ECM2: variants seen among roughly 807,000 people sequenced by gnomAD.
ECM2 encodes the protein extracellular matrix protein 2, female organ and adipocyte specific.
Under a neutral mutation model 67.5 loss-of-function variants are expected in ECM2, and 57 were observed. The ratio of observed to expected loss-of-function variants is 0.84; its 90% confidence interval spans 0.68 to 1.05. The LOEUF is 1.05. Among genes scored for constraint, ECM2 ranks in the 50% least tolerant of loss-of-function variants. ECM2 has a pLI of 0.00. For missense variants in ECM2, 741 were observed against 822.8 expected (o/e 0.90, Z 1.22); for synonymous variants, 258 against 294.5 (o/e 0.88, Z 1.27).
chr9:92,536,869 A>ATT (rs11459753), upstream of ECM2, among the ~76,000 whole-genome samples: 379 of 141,550 alleles, frequency 2.7e-3, 1 homozygote, highest in Middle Eastern at 0.011. Flanking sequence ...TATTTTTTAA[A>ATT]TTTTTTTTTT....
chr9:92,497,245 AG>A (rs778288392), intron 9 of ECM2, among the ~76,000 whole-genome samples: 63 of 152,340 alleles, frequency 4.1e-4, no homozygotes, highest in Non-Finnish European at 5.9e-4. Context: ...AATAAAATAT[AG>A]TATATCTGCA....
rs760484059 is a variant in ECM2, at chr9:92,514,692, G to A, written c.993C>T (p.Asn331=). ...SLSYRTISCI[N]AMLTQIPPLT... is the part of the protein sequence containing the mutation. ...GCGGTGGTATCTGGGTAAGCATGGC[G>A]TTGATGCAGCTGATGGTCCTGTAGG... Residue 331 remains asparagine (N), a synonymous_variant, in exon 4 of 10, where the codon AAC becomes AAT. Transcript: ENST00000344604. The A allele has an allele frequency of 1.3e-5, 21 of 1,612,036 alleles. No individual in the cohort carries two copies. The highest frequency in any genetic ancestry group is 4.4e-5 in the South Asian group (4 of 90,886).
intron 9 of ECM2, among the ~76,000 whole-genome samples, chr9:92,497,734 C>A (rs117490527): frequency 0.033 from 4,948 of 151,832 alleles, 131 homozygotes; most frequent in South Asian, 0.084. Context: ...GAAATTTGAT[C>A]CCCAGTGTTG....
chr9:92,498,496 T>A (rs904864938), intron 9 of ECM2, among the ~76,000 whole-genome samples: 11 of 152,054 alleles, frequency 7.2e-5, no homozygotes, highest in South Asian at 2.1e-4. Context: ...GTAAGACTTC[T>A]CTTAATTCAA....
upstream of ECM2, among the ~76,000 whole-genome samples, chr9:92,538,699 A>T (rs1330780514): frequency 6.6e-6 from 1 of 152,266 alleles, no homozygotes; most frequent in East Asian, 1.9e-4. Context: ...AAATGCTGGT[A>T]TTATGGTTTC....
chr9:92,552,266 C>T, the ECM2 span, among the ~76,000 whole-genome samples: 2 of 151,402 alleles, frequency 1.3e-5, no homozygotes, highest in Non-Finnish European at 2.9e-5. Context: ...TGGGTTGGTT[C>T]CATGATTTTG....
chr9:92,554,327 G>C, the ECM2 span, among the ~76,000 whole-genome samples: 4 of 152,052 alleles, frequency 2.6e-5, no homozygotes, highest in African/African-American at 9.7e-5. Context: ...GGGATTACAG[G>C]CACGTGCCAC....
chr9:92,496,242 C>G lies in ECM2; in HGVS notation c.*73G>C. 6.7e-7 allele frequency: 1 copy of G among 1,503,350 alleles called. No individual in the cohort carries two copies. The highest frequency in any genetic ancestry group is 8.8e-7 in the Non-Finnish European group (1 of 1,137,168). The allele number at this position is 1,503,350 out of a possible 1,614,324, so 93.1% of individuals were successfully genotyped here. A position where few individuals can be genotyped will look rare whatever the true frequency, so the allele number is the denominator to read the frequency against. On this transcript the variant is annotated 3_prime_UTR_variant, in exon 10 of 10. Transcript: ENST00000344604. Reference sequence around the variant, plus strand: ...TGAGTATAACAGGAGGATTATGTCTCTCTTATTAATGACAAATGCAGCTAC... The same window carrying G: ...TGAGTATAACAGGAGGATTATGTCTGTCTTATTAATGACAAATGCAGCTAC...
intron 2 of ECM2, 104 bp downstream of exon 2, chr9:92,522,471 T>A (rs1300579863): frequency 4.3e-5 from 51 of 1,179,270 alleles, no homozygotes; most frequent in Non-Finnish European, 5.6e-5. Flanking sequence ...TAGAAAATTA[T>A]CTTCATGGAG....
chr9:92,509,163 T>C (rs1847186752), intron 6 of ECM2, among the ~76,000 whole-genome samples: 1 of 151,882 alleles, frequency 6.6e-6, no homozygotes, highest in Non-Finnish European at 1.5e-5. Flanking sequence ...CACTAAAGGC[T>C]GTCAGAAAGC....
chr9:92,509,816 G>T (rs1436049811), intron 6 of ECM2, 83 bp downstream of exon 6: 4 of 1,349,540 alleles, frequency 3.0e-6, no homozygotes, highest in African/African-American at 3.0e-5. Flanking sequence ...TATTCATTTG[G>T]CAATACAGTA....
At chr9:92,548,619 A>C in the ECM2 span, among the ~76,000 whole-genome samples, 7 of 152,250 alleles carry the variant, frequency 4.6e-5, no homozygotes, top group African/African-American at 1.7e-4. Flanking sequence ...AAGTTAAGGA[A>C]AAGATATGTA....
chr9:92,510,277 G>A (rs559664321), intron 5 of ECM2, among the ~76,000 whole-genome samples: 2 of 152,252 alleles, frequency 1.3e-5, no homozygotes, highest in African/African-American at 2.4e-5. Flanking sequence ...TACTCACCAC[G>A]TTTATATTGC....
the ECM2 span, among the ~76,000 whole-genome samples, chr9:92,543,603 G>A: frequency 2.0e-4 from 30 of 149,156 alleles, no homozygotes; most frequent in East Asian, 2.4e-3. Flanking sequence ...TTGAAATTTC[G>A]ATAGGAATTA....
Position 92,510,044 on chromosome 9 carries a change from C to G in ECM2, c.1171-10G>C, listed in dbSNP as rs537060047. On this transcript the variant is annotated splice_polypyrimidine_tract_variant and intron_variant, in intron 5 of 9. Coordinates refer to ENST00000344604, the MANE Select transcript of ECM2 (RefSeq NM_001393.4). Reference sequence around the variant, plus strand: ...TTAACTTCTTCAGAAGCTTAAAAAGCAAATCTCAAAGTTACTTTTTTATCT... The same window carrying G: ...TTAACTTCTTCAGAAGCTTAAAAAGGAAATCTCAAAGTTACTTTTTTATCT... The G allele has an allele frequency of 1.3e-5, 21 of 1,585,268 alleles. No individual in the cohort carries two copies. The East Asian group carries it at 4.5e-4, about 34-fold the overall frequency.
chr9:92,515,198 A>G lies in ECM2; in HGVS notation c.487T>C (p.Tyr163His), dbSNP rs779776313. The G allele has an allele frequency of 6.4e-7, 1 of 1,565,830 alleles. No individual in the cohort carries two copies. Among genetic ancestry groups the G allele is most frequent in the Non-Finnish European group, 8.6e-7 (1 of 1,158,808 alleles). The change falls in exon 4 of 10, where the codon TAT (tyrosine) becomes CAT (histidine). Residue 163 changes from tyrosine (Y) to histidine (H), a missense_variant. By Grantham distance (83) the Tyr-to-His change is moderately conservative. Transcript: ENST00000344604. ...AATGCTATACCACTGAGTAGAGAAT[A>G]GGAGACTAATGACCACGCAAGGATG... is the stretch of plus-strand genomic sequence containing the variant. ...CCPVCSATVSYSLLSGIALND... is the reference protein window; with the variant it reads ...CCPVCSATVSHSLLSGIALND...
At chr9:92,541,400 G>T (rs1849314428), upstream of ECM2, among the ~76,000 whole-genome samples, 1 of 118,342 alleles carries the variant, frequency 8.5e-6, no homozygotes, top group Non-Finnish European at 1.8e-5. Context: ...AACCTCCACT[G>T]CCACCCCCCT....
the ECM2 span, among the ~76,000 whole-genome samples, chr9:92,541,705 A>G: frequency 6.6e-6 from 1 of 151,992 alleles, no homozygotes; most frequent in Non-Finnish European, 1.5e-5. Context: ...GCTGATGGAC[A>G]CTTAGGTTGA....
At chr9:92,533,174 C>T (rs1037162907) in intron 1 of ECM2, among the ~76,000 whole-genome samples, 11 of 149,864 alleles carry the variant, frequency 7.3e-5, no homozygotes, top group South Asian at 6.4e-4. Flanking sequence ...GTGGCACGCG[C>T]GTGTAGTCCC....
Sources: gnomAD v4.1 joint callset for allele counts (sites outside exome capture counted in the v4.1 genomes callset) on GRCh38, gnomAD v4.1.1 for gene constraint, MANE v1.5 for transcripts, NCBI Gene and HGNC (gene_info 2026-07-23, HGNC 2026-07-21) for gene names.